The following NRXN1 variants were observed in gnomAD, a reference collection of about 807,000 sequenced individuals.
The protein encoded by NRXN1 is neurexin 1.
NRXN1 carries 39 observed loss-of-function variants against 150.9 expected under a neutral mutation model. The observed-to-expected ratio is 0.26, with a 90% CI of 0.20 to 0.34. The LOEUF (loss-of-function observed/expected upper bound fraction) is 0.34, where lower values mean the gene tolerates loss of function less well. NRXN1 is among the 10% of genes least tolerant of loss of function. NRXN1 has a pLI of 1.00. For synonymous variants in NRXN1, 924 were observed against 757.0 expected (o/e 1.22, Z -3.62); for missense variants, 1,815 against 1,949.9 (o/e 0.93, Z 1.30).
intron 5 of NRXN1, among the ~76,000 whole-genome samples, chr2:50,866,489 T>A (rs1229281292): frequency 6.6e-6 from 1 of 151,874 alleles, no homozygotes; most frequent in African/African-American, 2.4e-5. Flanking sequence ...TGACACAAGG[T>A]GAATAGTTTT....
chr2:50,774,024 C>T (rs1256965793), intron 5 of NRXN1, among the ~76,000 whole-genome samples: 7 of 152,130 alleles, frequency 4.6e-5, no homozygotes, highest in Non-Finnish European at 8.8e-5. Context: ...TTTACATCAG[C>T]TCATGTTTCC....
chr2:50,813,547 G>A (rs17503959), intron 5 of NRXN1, among the ~76,000 whole-genome samples: 3 of 151,954 alleles, frequency 2.0e-5, no homozygotes, highest in Admixed American at 6.6e-5. Context: ...TCTTCTCAAA[G>A]TGCATTTTTA....
chr2:49,967,389 A>T (rs1325513481), intron 21 of NRXN1, among the ~76,000 whole-genome samples: 1 of 152,122 alleles, frequency 6.6e-6, no homozygotes, highest in Admixed American at 6.6e-5. Context: ...TGTGATATTT[A>T]TAAATACATT....
chr2:49,935,258 T>G (rs1460645972), intron 22 of NRXN1, among the ~76,000 whole-genome samples: 1 of 152,206 alleles, frequency 6.6e-6, no homozygotes, highest in Non-Finnish European at 1.5e-5. Flanking sequence ...TGCCTCTAAT[T>G]ACACAGTAGG....
intron 5 of NRXN1, among the ~76,000 whole-genome samples, chr2:50,718,731 G>C (rs1248734802): frequency 6.6e-6 from 1 of 152,122 alleles, no homozygotes; most frequent in Non-Finnish European, 1.5e-5. Flanking sequence ...TTGCATTCAT[G>C]TGCCTGCGTG....
chr2:50,337,097 T>C, intron 17 of NRXN1, among the ~76,000 whole-genome samples: 1 of 151,020 alleles, frequency 6.6e-6, no homozygotes, highest in Admixed American at 6.6e-5. Flanking sequence ...TTTTTTTTTT[T>C]TTTGAGACGG....
intron 2 of NRXN1, among the ~76,000 whole-genome samples, chr2:50,958,165 A>G (rs575342553): frequency 6.6e-6 from 1 of 152,152 alleles, no homozygotes; most frequent in Non-Finnish European, 1.5e-5. Context: ...GAATATTTGG[A>G]AAGATTTTAA....
chr2:50,461,784 T>C (rs1270147759), intron 17 of NRXN1, among the ~76,000 whole-genome samples: 1 of 151,870 alleles, frequency 6.6e-6, no homozygotes, highest in African/African-American at 2.4e-5. Flanking sequence ...ACAAAGGAAG[T>C]TTCCATGGGA....
At chr2:50,215,958 T>C (rs2063366428) in intron 18 of NRXN1, among the ~76,000 whole-genome samples, 1 of 152,064 alleles carries the variant, frequency 6.6e-6, no homozygotes, top group African/African-American at 2.4e-5. Context: ...TCATATTCAG[T>C]TGGTGACATT....
intron 5 of NRXN1, among the ~76,000 whole-genome samples, chr2:50,687,724 C>T (rs180974392): frequency 2.0e-5 from 3 of 152,218 alleles, no homozygotes; most frequent in East Asian, 3.9e-4. Flanking sequence ...ATTGGGCAAC[C>T]GCGTTAGGGT....
intron 17 of NRXN1, among the ~76,000 whole-genome samples, chr2:50,268,887 G>A (rs1329584186): frequency 5.3e-5 from 8 of 152,076 alleles, no homozygotes; most frequent in Admixed American, 1.3e-4. Context: ...AGTTGCAAAC[G>A]CAGTTGTATA....
intron 5 of NRXN1, among the ~76,000 whole-genome samples, chr2:50,750,172 C>T (rs1207319134): frequency 4.6e-5 from 7 of 151,866 alleles, no homozygotes; most frequent in East Asian, 1.9e-4. Context: ...TGGATGATAA[C>T]GACAGGAGCC....
At chr2:49,969,754 G>C (rs1297999387) in intron 21 of NRXN1, 1 of 152,044 alleles carries the variant, frequency 6.6e-6, no homozygotes, top group East Asian at 1.9e-4. Context: ...TATGGCCGTA[G>C]ACTGATATAC....
rs1681039346 is a variant in NRXN1 at position 50,891,368 on chromosome 2, C to T, written c.832+30501G>A. On this transcript the variant is annotated intron_variant, in intron 5 of 22. Coordinates refer to ENST00000401669, the MANE Select transcript of NRXN1 (RefSeq NM_001330078.2). Reference sequence around the variant, plus strand: ...ACCAGACTGACCATAAAGCACAGGACTCCAGGTCAGCTGCAAAGGCCATAA... The same window carrying T: ...ACCAGACTGACCATAAAGCACAGGATTCCAGGTCAGCTGCAAAGGCCATAA... 2.6e-5 allele frequency among the ~76,000 whole-genome samples: 4 copies of T among 152,036 alleles called. No homozygotes were observed. The South Asian group carries it at 8.3e-4, about 31-fold the overall frequency.
At chr2:50,466,916 C>T (rs894844608) in intron 16 of NRXN1, among the ~76,000 whole-genome samples, 1 of 151,688 alleles carries the variant, frequency 6.6e-6, no homozygotes, top group African/African-American at 2.4e-5. Context: ...ATGTTTTTCC[C>T]TCTAGATCCT....
At chr2:50,341,591 G>C (rs1348149681) in intron 17 of NRXN1, among the ~76,000 whole-genome samples, 1 of 152,190 alleles carries the variant, frequency 6.6e-6, no homozygotes, top group Admixed American at 6.5e-5. Context: ...ATATGTTTCT[G>C]AGAAGTATTT....
chr2:49,922,786 TA>T (rs1316388608), intron 22 of NRXN1, among the ~76,000 whole-genome samples: 3 of 152,238 alleles, frequency 2.0e-5, no homozygotes, highest in Non-Finnish European at 4.4e-5. Context: ...GTCTGCTTTT[TA>T]AAGTATAACT....
chr2:50,319,739 A>C (rs1190606103), intron 17 of NRXN1, among the ~76,000 whole-genome samples: 1 of 152,042 alleles, frequency 6.6e-6, no homozygotes, highest in African/African-American at 2.4e-5. Flanking sequence ...ACCTCAAATA[A>C]TGCAACAAAG....
chr2:50,057,588 T>TA (rs1693847428), intron 19 of NRXN1, among the ~76,000 whole-genome samples: 2 of 152,206 alleles, frequency 1.3e-5, no homozygotes, highest in Non-Finnish European at 2.9e-5. Context: ...ACTATGCTAC[T>TA]ATGTGCAGTA....
Sources: gnomAD v4.1 joint callset for allele counts (sites outside exome capture counted in the v4.1 genomes callset) on GRCh38, gnomAD v4.1.1 for gene constraint, MANE v1.5 for transcripts, NCBI Gene and HGNC (gene_info 2026-07-23, HGNC 2026-07-21) for gene names.